Variants in IFT27 observed in about 807,000 individuals in gnomAD.
IFT27 encodes the protein intraflagellar transport protein 27 homolog.
A neutral mutation model predicts 23.9 loss-of-function variants in IFT27; 19 were observed. The ratio of observed to expected loss-of-function variants is 0.79; its 90% confidence interval spans 0.55 to 1.16. The LOEUF (loss-of-function observed/expected upper bound fraction) is 1.16. Among genes scored for constraint, IFT27 ranks in the 50% most tolerant of loss-of-function variants. IFT27 has a pLI of 0.00. For missense variants in IFT27, 206 were observed against 228.7 expected (o/e 0.90, Z 0.64); for synonymous variants, 91 against 89.1 (o/e 1.02, Z -0.12).
intron 1 of IFT27, among the ~76,000 whole-genome samples, chr22:36,770,194 C>T (rs1223814879): frequency 2.4e-4 from 37 of 152,142 alleles, no homozygotes; most frequent in Admixed American, 2.4e-3. Flanking sequence ...GGGCACGATG[C>T]GAGATCACCT....
Position 36,764,054 on chromosome 22 carries a change from G to A in IFT27, c.235-18C>T, listed in dbSNP as rs747240181. The A allele has an allele frequency of 1.3e-6, 2 of 1,541,676 alleles. No homozygotes were observed. The highest frequency in any genetic ancestry group is 4.5e-5 in the East Asian group (2 of 44,510). ...CTCTCCCACTGTGCAAGAGGGACAG[G>A]ATGAGTATGGGTCAGTAACAGGAAA... On this transcript the variant is annotated intron_variant, in intron 4 of 6. Transcript: ENST00000433985.
Position 36,758,214 on chromosome 22 carries a change from A to G in IFT27, c.*97T>C. ...GAGTGGAAGGAGCTGCTGCTTCGAC[A>G]TTTTCTCCTAATTTTATTTAAAGCC... On this transcript the variant is annotated 3_prime_UTR_variant, in exon 7 of 7. Transcript: ENST00000433985. The G allele has an allele frequency of 9.1e-7, 1 of 1,100,362 alleles. No homozygotes were observed. Among genetic ancestry groups the G allele is most frequent in the Non-Finnish European group, 1.4e-6 (1 of 720,438 alleles). The allele number at this position is 1,100,362 out of a possible 1,614,324, so 68.2% of individuals were successfully genotyped here.
chr22:36,772,411 A>G, intron 1 of IFT27: 1 of 723,836 alleles, frequency 1.4e-6, no homozygotes, highest in South Asian at 6.3e-5. Flanking sequence ...CAGAATTGTT[A>G]TGAGGATTTA....
At chr22:36,767,191 C>G (rs760392636) in intron 3 of IFT27, 115 bp downstream of exon 3, 1 of 776,434 alleles carries the variant, frequency 1.3e-6, no homozygotes, top group Admixed American at 2.2e-5. Context: ...AATGCTCAGC[C>G]AAGTCTAGAC....
chr22:36,767,358 C>T lies in IFT27; in HGVS notation c.122G>A (p.Gly41Glu), dbSNP rs1423783494. The T allele has an allele frequency of 6.2e-7, 1 of 1,613,024 alleles. No individual in the cohort carries two copies. The highest frequency in any genetic ancestry group is 8.5e-7 in the Non-Finnish European group (1 of 1,179,388). Reference sequence around the variant, plus strand: ...CACTGTCTTCACCACCAAATCCATTCCTGTTGTCTGCCGAGGAACACCAAG... The same window carrying T: ...CACTGTCTTCACCACCAAATCCATTTCTGTTGTCTGCCGAGGAACACCAAG... ...HFQKSYTLTT[G>E]MDLVVKTVPV... Residue 41 changes from glycine to glutamate, a missense_variant, in exon 3 of 7, where the codon GGA (glycine) becomes GAA (glutamate). Gly to Glu is a moderately conservative substitution (Grantham distance 98, BLOSUM62 -2). Coordinates refer to ENST00000433985, the MANE Select transcript of IFT27 (RefSeq NM_001177701.3).
chr22:36,772,773 T>C, intron 1 of IFT27: 16 of 985,094 alleles, frequency 1.6e-5, no homozygotes, highest in Non-Finnish European at 1.9e-5. Flanking sequence ...CAATGACCAG[T>C]TATGTGAGAG....
rs780844069 is a variant in IFT27, at chr22:36,762,906, C to T, written c.460G>A (p.Val154Met). 53 of 1,563,292 alleles carry T rather than the reference C, an allele frequency of 3.4e-5. No individual in the cohort carries two copies. Among genetic ancestry groups the T allele is most frequent in the Non-Finnish European group, 4.0e-5 (46 of 1,147,436 alleles). The change falls in exon 6 of 7, where the codon GTG (valine) becomes ATG (methionine). Residue 154 changes from valine to methionine, a missense_variant and splice_region_variant. Coordinates refer to ENST00000433985, the MANE Select transcript of IFT27 (RefSeq NM_001177701.3). ...GQGLECFETS[V>M]KEMENFEAPF... ...ACGAGGCAAGTGGAAATACTCACCA[C>T]GGATGTTTCAAAACATTCCAGGCCC...
chr22:36,765,987 GTCCT>G lies in IFT27; in HGVS notation c.234+147_234+150del, dbSNP rs534217560. On this transcript the variant is annotated intron_variant, in intron 4 of 6. Transcript: ENST00000433985. The stretch of plus-strand genomic sequence containing the variant: ...ACTCCTTCTTGCCAAGTATCCATGA[GTCCT>G]GGGCTGGGAGGAATGCCCCTTAAAG... 2.6e-4 allele frequency: 183 copies of G among 715,126 alleles called. 3 individuals carry two copies. In the South Asian group the frequency reaches 2.9e-3, roughly 11 times the overall value. 44.3% of individuals were successfully genotyped at this position (715,126 alleles called of 1,614,324 possible). A position where few individuals can be genotyped will look rare whatever the true frequency, so the allele number is the denominator to read the frequency against.
chr22:36,774,611 C>T (rs1356885524), intron 1 of IFT27, among the ~76,000 whole-genome samples: 1 of 151,878 alleles, frequency 6.6e-6, no homozygotes, highest in Non-Finnish European at 1.5e-5. Context: ...AGTTCGAGAC[C>T]AGTCTGGCCA....
intron 1 of IFT27, among the ~76,000 whole-genome samples, chr22:36,772,244 T>C (rs959232305): frequency 3.3e-5 from 5 of 152,158 alleles, no homozygotes; most frequent in Admixed American, 2.0e-4. Flanking sequence ...TCCATGTATA[T>C]CAAGAGGCAG....
chr22:36,774,724 A>G lies in IFT27; in HGVS notation c.34+950T>C, dbSNP rs550420021. ...CTACTTGGGAGGCTGAGGCAGGGGA[A>G]TTGCTTGAACCAGGGAGGTGGAGGT... On this transcript the variant is annotated intron_variant, in intron 1 of 6. Transcript: ENST00000433985. Among the ~76,000 whole-genome samples the G allele has an allele frequency of 2.2e-4, 33 of 152,058 alleles. No homozygotes were observed. The South Asian group carries it at 6.7e-3, about 31-fold the overall frequency.
chr22:36,770,887 G>A (rs574339566), intron 1 of IFT27, among the ~76,000 whole-genome samples: 26 of 152,300 alleles, frequency 1.7e-4, no homozygotes, highest in African/African-American at 6.3e-4. Context: ...TCCCTTGCTA[G>A]GAGCTTCCTG....
In IFT27 at chr22:36,767,857, G is replaced by A. The variant is rs751453758; in HGVS notation, c.40C>T (p.Pro14Ser). The A allele has an allele frequency of 1.3e-5, 21 of 1,613,616 alleles. No individual in the cohort carries two copies. Among genetic ancestry groups the A allele is most frequent in the Non-Finnish European group, 1.7e-5 (20 of 1,179,650 alleles). Reference protein sequence around the residue: ...LAAKCILAGDPAVGKTALAQI... With the variant: ...LAAKCILAGDSAVGKTALAQI... ...GCCAGGGCGGTCTTGCCCACTGCTG[G>A]GTCTCCTGTGAGATCAGAAAAGAAG... The change falls in exon 2 of 7, where the codon CCA (proline) becomes TCA (serine). Residue 14 changes from proline (P) to serine (S), a missense_variant. By Grantham distance (74) the Pro-to-Ser change is moderately conservative. Transcript: ENST00000433985.
intron 1 of IFT27, chr22:36,768,177 G>A (rs559087066): frequency 1.0e-5 from 5 of 478,300 alleles, no homozygotes; most frequent in African/African-American, 4.0e-5. Context: ...ACTGAAACAC[G>A]CCCTATGGGG....
At chr22:36,774,144 T>C (rs1228083813) in intron 1 of IFT27, among the ~76,000 whole-genome samples, 1 of 152,232 alleles carries the variant, frequency 6.6e-6, no homozygotes, top group Non-Finnish European at 1.5e-5. Flanking sequence ...CCTCTGGTGC[T>C]CTGGAAACTG....
chr22:36,771,717 A>G (rs1457743579), intron 1 of IFT27, among the ~76,000 whole-genome samples: 1 of 152,162 alleles, frequency 6.6e-6, no homozygotes, highest in Non-Finnish European at 1.5e-5. Flanking sequence ...AAGCAATTCC[A>G]TACATTAAAA....
At chr22:36,774,072 T>C (rs1329612361) in intron 1 of IFT27, among the ~76,000 whole-genome samples, 1 of 152,212 alleles carries the variant, frequency 6.6e-6, no homozygotes, top group Non-Finnish European at 1.5e-5. Context: ...AAGTGCTTCG[T>C]CCAAGATGAC....
Position 36,762,937 on chromosome 22 carries a change from C to T in IFT27, c.429G>A (p.Leu143=), listed in dbSNP as rs773861455. Residue 143 remains leucine, a synonymous_variant, in exon 6 of 7, where the codon CTG becomes CTA. Transcript: ENST00000433985. ...VDSAEARAWA[L]GQGLECFETS... ...TTTCAAAACATTCCAGGCCCTGGCC[C>T]AGCGCCCATGCCCGGGCCTCAGCTG... The T allele has an allele frequency of 9.4e-6, 15 of 1,594,710 alleles. No individual in the cohort carries two copies. The Admixed American group carries it at 2.6e-4, about 27-fold the overall frequency.
rs185871181 is a variant in IFT27 at position 36,767,820 on chromosome 22, C to A, written c.77G>T (p.Arg26Leu). The A allele has an allele frequency of 3.7e-6, 6 of 1,614,174 alleles. No individual in the cohort carries two copies. Among genetic ancestry groups the A allele is most frequent in the African/African-American group, 1.3e-5 (1 of 75,042 alleles). Residue 26 changes from arginine (R) to leucine (L), a missense_variant, in exon 2 of 7, where the codon CGC (arginine) becomes CTC (leucine). Transcript: ENST00000433985. ...TTTCTGGAAATGGGCTCCATCACTG[C>A]GGAAGATCTGTGCCAGGGCGGTCTT... ...VGKTALAQIF[R>L]SDGAHFQKSY...
Sources: allele counts gnomAD v4.1 joint callset (sites outside exome capture counted in the v4.1 genomes callset), GRCh38; gene constraint gnomAD v4.1.1; transcripts MANE v1.5; gene names NCBI Gene and HGNC (gene_info 2026-07-23, HGNC 2026-07-21).